SLC24A2: variants seen among roughly 807,000 people sequenced by gnomAD.
SLC24A2 encodes sodium/potassium/calcium exchanger 2.
Under a neutral mutation model 62.0 loss-of-function variants are expected in SLC24A2, and 36 were observed. The ratio of observed to expected loss-of-function variants is 0.58; its 90% confidence interval spans 0.44 to 0.77. SLC24A2 has a LOEUF of 0.77. Among genes scored for constraint, SLC24A2 ranks in the 30% least tolerant of loss-of-function variants. SLC24A2 has a pLI of 0.00. For synonymous variants in SLC24A2, 358 were observed against 294.0 expected (o/e 1.22, Z -2.23); for missense variants, 846 against 817.9 (o/e 1.03, Z -0.42).
chr9:20,224,210 G>T, the SLC24A2 span, among the ~76,000 whole-genome samples: 1 of 151,828 alleles, frequency 6.6e-6, no homozygotes, highest in Non-Finnish European at 1.5e-5. Context: ...GATGAATAAA[G>T]CTCTAAATAT....
chr9:20,277,007 C>G, the SLC24A2 span, among the ~76,000 whole-genome samples: 3 of 152,328 alleles, frequency 2.0e-5, no homozygotes, highest in South Asian at 6.2e-4. Flanking sequence ...CCTTGAAGTT[C>G]ACTGACATGC....
the SLC24A2 span, among the ~76,000 whole-genome samples, chr9:19,911,741 C>T: frequency 6.6e-6 from 1 of 152,146 alleles, no homozygotes; most frequent in African/African-American, 2.4e-5. Flanking sequence ...TTCCACTCAG[C>T]CTGTCCTATG....
the SLC24A2 span, among the ~76,000 whole-genome samples, chr9:20,090,748 A>T: frequency 6.6e-6 from 1 of 152,214 alleles, no homozygotes; most frequent in Non-Finnish European, 1.5e-5. Flanking sequence ...CCACATATAG[A>T]GATGAGAAAG....
At chr9:20,088,965 C>G in the SLC24A2 span, among the ~76,000 whole-genome samples, 3 of 152,166 alleles carry the variant, frequency 2.0e-5, no homozygotes, top group African/African-American at 7.2e-5. Context: ...TTGCCACGCC[C>G]TAAAGAAAAG....
the SLC24A2 span, among the ~76,000 whole-genome samples, chr9:20,209,671 C>A: frequency 6.6e-6 from 1 of 152,306 alleles, no homozygotes; most frequent in African/African-American, 2.4e-5. Flanking sequence ...GCCAGCCACA[C>A]TCACCCTAAG....
chr9:19,733,347 G>A (rs746429364), intron 2 of SLC24A2, among the ~76,000 whole-genome samples: 1 of 152,238 alleles, frequency 6.6e-6, no homozygotes, highest in Middle Eastern at 3.4e-3. Context: ...ATTTTCTTCA[G>A]CCCAGAATGC....
chr9:19,925,106 C>T, the SLC24A2 span, among the ~76,000 whole-genome samples: 1 of 152,216 alleles, frequency 6.6e-6, no homozygotes, highest in African/African-American at 2.4e-5. Context: ...CCTACATTAT[C>T]ACTCCCAGAA....
chr9:19,577,472 G>A (rs1292263711), intron 5 of SLC24A2, among the ~76,000 whole-genome samples: 1 of 152,134 alleles, frequency 6.6e-6, no homozygotes, highest in Non-Finnish European at 1.5e-5. Context: ...ATCCCTAACT[G>A]AAAAAACCAA....
intron 2 of SLC24A2, among the ~76,000 whole-genome samples, chr9:19,641,079 A>C (rs371478078): frequency 8.5e-5 from 13 of 152,366 alleles, no homozygotes; most frequent in African/African-American, 3.1e-4. Context: ...GCGTCAGTCT[A>C]GTGATTTTGC....
the SLC24A2 span, among the ~76,000 whole-genome samples, chr9:20,190,208 T>C: frequency 6.6e-6 from 1 of 152,180 alleles, no homozygotes; most frequent in African/African-American, 2.4e-5. Flanking sequence ...TTTCTGGAGA[T>C]AAGTCAGGTA....
the SLC24A2 span, among the ~76,000 whole-genome samples, chr9:19,835,861 A>G: frequency 6.6e-6 from 1 of 152,228 alleles, no homozygotes; most frequent in Non-Finnish European, 1.5e-5. Context: ...AAGAACAGAA[A>G]TTACAACAAA....
the SLC24A2 span, among the ~76,000 whole-genome samples, chr9:20,281,436 AAC>A: frequency 6.6e-6 from 1 of 152,174 alleles, no homozygotes; most frequent in Non-Finnish European, 1.5e-5. Context: ...TCCAAAACGG[AAC>A]ATTACCAGCA....
intron 10 of SLC24A2, among the ~76,000 whole-genome samples, chr9:19,517,582 A>T (rs1170715099): frequency 6.6e-6 from 1 of 152,164 alleles, no homozygotes; most frequent in African/African-American, 2.4e-5. Context: ...GCATATGTTA[A>T]CCTGGGCCAA....
chr9:19,810,030 T>A, the SLC24A2 span, among the ~76,000 whole-genome samples: 1 of 152,180 alleles, frequency 6.6e-6, no homozygotes, highest in South Asian at 2.1e-4. Flanking sequence ...ATATTTCAGT[T>A]TGGGAAACTC....
At chr9:20,102,504 G>A in the SLC24A2 span, among the ~76,000 whole-genome samples, 1 of 149,016 alleles carries the variant, frequency 6.7e-6, no homozygotes, top group Non-Finnish European at 1.5e-5. Context: ...GGGTGGGGGG[G>A]GAAGGGGACA....
the SLC24A2 span, among the ~76,000 whole-genome samples, chr9:20,109,191 C>CA: frequency 6.6e-6 from 1 of 151,926 alleles, no homozygotes; most frequent in African/African-American, 2.4e-5. Context: ...CAGACAATGA[C>CA]AAAAAAGTCC....
At chr9:20,183,597 G>A in the SLC24A2 span, among the ~76,000 whole-genome samples, 1 of 152,232 alleles carries the variant, frequency 6.6e-6, no homozygotes, top group Non-Finnish European at 1.5e-5. Flanking sequence ...CAACCTCAGA[G>A]CTAATGCTAG....
At chr9:19,589,062 T>G (rs1378876430) in intron 5 of SLC24A2, among the ~76,000 whole-genome samples, 1 of 152,224 alleles carries the variant, frequency 6.6e-6, no homozygotes, top group Non-Finnish European at 1.5e-5. Flanking sequence ...TCTTTCAAAT[T>G]TTGAAATGTG....
At chr9:20,297,000 A>G in the SLC24A2 span, among the ~76,000 whole-genome samples, 3 of 152,190 alleles carry the variant, frequency 2.0e-5, no homozygotes, top group African/African-American at 4.8e-5. Flanking sequence ...CATTTATTTT[A>G]AAGAATTTTT....
Sources: allele counts gnomAD v4.1 joint callset (sites outside exome capture counted in the v4.1 genomes callset), GRCh38; gene constraint gnomAD v4.1.1; transcripts MANE v1.5; gene names NCBI Gene and HGNC (gene_info 2026-07-23, HGNC 2026-07-21).